Variants in CAMK4 observed in about 807,000 individuals in gnomAD.
CAMK4 encodes calcium/calmodulin-dependent protein kinase type IV.
A neutral mutation model predicts 44.9 loss-of-function variants in CAMK4; 22 were observed. The observed-to-expected ratio is 0.49, with a 90% CI of 0.35 to 0.70. The LOEUF is 0.70. Among genes scored for constraint, CAMK4 ranks in the 30% least tolerant of loss-of-function variants. CAMK4 has a pLI of 0.01. For synonymous variants in CAMK4, 218 were observed against 215.4 expected (o/e 1.01, Z -0.11); for missense variants, 498 against 586.8 (o/e 0.85, Z 1.56).
intron 5 of CAMK4, among the ~76,000 whole-genome samples, chr5:111,411,989 T>C (rs1752648327): frequency 6.6e-6 from 1 of 152,190 alleles, no homozygotes; most frequent in Non-Finnish European, 1.5e-5. Context: ...TAAGAAGTTA[T>C]TAATCACCAG....
chr5:111,376,832 A>T, intron 3 of CAMK4, 28 bp from the exon 4 acceptor site: 1 of 1,331,150 alleles, frequency 7.5e-7, no homozygotes, highest in South Asian at 1.2e-5. Flanking sequence ...GAAATTTGTG[A>T]TATTCTTTTT....
At chr5:111,329,658 G>A (rs942664186) in intron 1 of CAMK4, among the ~76,000 whole-genome samples, 3 of 151,684 alleles carry the variant, frequency 2.0e-5, no homozygotes, top group African/African-American at 4.8e-5. Flanking sequence ...TCCCAAGAAT[G>A]CAAGGTGAGC....
intron 7 of CAMK4, among the ~76,000 whole-genome samples, chr5:111,469,798 A>G (rs745724237): frequency 2.0e-5 from 3 of 152,234 alleles, no homozygotes; most frequent in Non-Finnish European, 4.4e-5. Context: ...TTGTTGAATG[A>G]TCAGTAACAC....
intron 5 of CAMK4, among the ~76,000 whole-genome samples, chr5:111,410,415 AC>A (rs1752591168): frequency 6.6e-6 from 1 of 151,946 alleles, no homozygotes; most frequent in African/African-American, 2.4e-5. Context: ...ACCTAGTCCC[AC>A]CCCTGACACA....
chr5:111,360,825 C>T (rs1445189902), intron 2 of CAMK4, among the ~76,000 whole-genome samples: 2 of 152,042 alleles, frequency 1.3e-5, no homozygotes, highest in African/African-American at 4.8e-5. Flanking sequence ...ATCTAGACTT[C>T]TACATCTAGA....
intron 1 of CAMK4, among the ~76,000 whole-genome samples, chr5:111,326,580 C>CT (rs34594346): frequency 0.03 from 4,436 of 146,790 alleles, 83 homozygotes; most frequent in Non-Finnish European, 0.034. Context: ...AATCTTCCAC[C>CT]TTTTTTTTTT....
At chr5:111,301,037 C>A (rs1580552073) in intron 1 of CAMK4, among the ~76,000 whole-genome samples, 2 of 151,530 alleles carry the variant, frequency 1.3e-5, no homozygotes, top group Admixed American at 6.6e-5. Context: ...TAAGTGAAGT[C>A]CACATGCTGG....
In CAMK4 at chr5:111,273,677, TTATATA is replaced by T. The variant is rs1160351356; in HGVS notation, c.161+49070_161+49075del. ...TATCCGTCAGCTTTAAAAAATGCAT[TTATATA>T]TATATATATATATATATATATATAT... On this transcript the variant is annotated intron_variant, in intron 1 of 10. Transcript: ENST00000282356. Among the ~76,000 whole-genome samples the T allele has an allele frequency of 3.6e-3, 150 of 41,122 alleles. 2 individuals are homozygous for T. Among genetic ancestry groups the T allele is most frequent in the South Asian group, 9.9e-3 (10 of 1,010 alleles). The allele number at this position is 41,122 out of a possible 152,430, so 27.0% of individuals were successfully genotyped here. A position where few individuals can be genotyped will look rare whatever the true frequency, so the allele number is the denominator to read the frequency against.
chr5:111,372,324 C>T (rs181493130), intron 2 of CAMK4, among the ~76,000 whole-genome samples: 126 of 152,252 alleles, frequency 8.3e-4, no homozygotes, highest in African/African-American at 2.9e-3. Flanking sequence ...CAAAGGAGAG[C>T]GCTTATGACC....
At chr5:111,470,323 T>G (rs1755019247) in intron 7 of CAMK4, among the ~76,000 whole-genome samples, 1 of 152,208 alleles carries the variant, frequency 6.6e-6, no homozygotes, top group Non-Finnish European at 1.5e-5. Flanking sequence ...AGAAAAGTTT[T>G]CTAGGAATAA....
intron 1 of CAMK4, among the ~76,000 whole-genome samples, chr5:111,234,009 A>G (rs747594314): frequency 3.3e-5 from 5 of 151,750 alleles, no homozygotes; most frequent in Non-Finnish European, 5.9e-5. Context: ...TTATTTTTGG[A>G]TGTTTTAAAA....
intron 1 of CAMK4, among the ~76,000 whole-genome samples, chr5:111,245,793 A>G (rs1749206485): frequency 1.3e-5 from 2 of 152,244 alleles, no homozygotes; most frequent in South Asian, 4.1e-4. Context: ...TTCTGATATA[A>G]ACAAAACTTA....
At position 111,242,822 on chromosome 5, in the gene CAMK4, C is replaced by T. The variant is rs1156898283; in HGVS notation, c.161+18178C>T. ...CTCCATGGTGCACCTTCCCAAACCG[C>T]GCCCCCTCACTCCACGCCCCCTCTT... is the stretch of plus-strand genomic sequence containing the variant. On this transcript the variant is annotated intron_variant, in intron 1 of 10. Transcript: ENST00000282356. Among the ~76,000 whole-genome samples, 6 of 147,968 alleles carry T rather than the reference C, an allele frequency of 4.1e-5. No individual in the cohort carries two copies. In the East Asian group the frequency reaches 6.2e-4, roughly 15 times the overall value.
chr5:111,347,397 C>G (rs890399869), intron 2 of CAMK4, among the ~76,000 whole-genome samples: 1 of 152,036 alleles, frequency 6.6e-6, no homozygotes, highest in African/African-American at 2.4e-5. Context: ...CATCTTGTGA[C>G]TCTAACTTAC....
rs779357222 is a variant in CAMK4 at position 111,344,048 on chromosome 5, A to G, written c.186A>G (p.Arg62=). The G allele has an allele frequency of 5.6e-6, 9 of 1,606,278 alleles. 1 individual carries two copies. The South Asian group carries it at 8.8e-5, about 16-fold the overall frequency. ...GGGGTGCTACATCCATTGTGTACAG[A>G]TGCAAACAGAAGGGGACCCAGAAGC... ...LGRGATSIVY[R]CKQKGTQKPY... is the part of the protein sequence containing the mutation. The change falls in exon 2 of 11, where the codon AGA becomes AGG. Residue 62 remains arginine, a synonymous_variant. Transcript: ENST00000282356.
At chr5:111,459,398 A>T (rs1355136515) in intron 7 of CAMK4, among the ~76,000 whole-genome samples, 1 of 152,088 alleles carries the variant, frequency 6.6e-6, no homozygotes, top group Non-Finnish European at 1.5e-5. Context: ...AAGCTGATTG[A>T]CTCATCACTC....
At chr5:111,450,275 A>C (rs1413098908) in intron 7 of CAMK4, among the ~76,000 whole-genome samples, 1 of 152,230 alleles carries the variant, frequency 6.6e-6, no homozygotes, top group Non-Finnish European at 1.5e-5. Flanking sequence ...CGGAGGTTGC[A>C]GTGAGCCAAG....
intron 2 of CAMK4, among the ~76,000 whole-genome samples, chr5:111,355,834 A>C (rs1309848126): frequency 6.8e-6 from 1 of 146,932 alleles, no homozygotes; most frequent in Non-Finnish European, 1.5e-5. Context: ...ACATGAACTC[A>C]TCATTTTTTA....
intron 9 of CAMK4, among the ~76,000 whole-genome samples, chr5:111,478,882 T>C (rs1334989390): frequency 6.6e-6 from 1 of 152,188 alleles, no homozygotes; most frequent in African/African-American, 2.4e-5. Flanking sequence ...CATTTCTTTT[T>C]TGTTTCTTTG....
Sources: allele counts gnomAD v4.1 joint callset (sites outside exome capture counted in the v4.1 genomes callset), GRCh38; gene constraint gnomAD v4.1.1; transcripts MANE v1.5; gene names NCBI Gene and HGNC (gene_info 2026-07-23, HGNC 2026-07-21).